The following FOXK1 variants were observed in gnomAD, a reference collection of about 807,000 sequenced individuals.
FOXK1 encodes the protein forkhead box protein K1.
Under a neutral mutation model 51.9 loss-of-function variants are expected in FOXK1, and 19 were observed. That is an observed-to-expected ratio of 0.37 (90% CI 0.26 to 0.54). The LOEUF is 0.54. Among genes scored for constraint, FOXK1 ranks in the 20% least tolerant of loss-of-function variants. The pLI is 0.87. For synonymous variants in FOXK1, 537 were observed against 482.6 expected, an observed-to-expected ratio of 1.11 and a Z score of -1.48; for missense variants, 870 against 1,032.7, an observed-to-expected ratio of 0.84 and a Z score of 2.16.
At position 4,722,540 on chromosome 7, in the gene FOXK1, C is replaced by A. The variant is rs1246937001; in HGVS notation, c.561-18298C>A. On this transcript the variant is annotated intron_variant, in intron 1 of 8. Transcript: ENST00000328914. This position sits in a 1 kb window ranked among gnomAD's most constrained non-coding sequence, Gnocchi z 5.1. Reference sequence around the variant, plus strand: ...GCCAGCGTGCTGGGACGGGTACACTCGTGCCTGTTAACCGCACACCTGCGT... The same window carrying A: ...GCCAGCGTGCTGGGACGGGTACACTAGTGCCTGTTAACCGCACACCTGCGT... 1.3e-5 allele frequency among the ~76,000 whole-genome samples: 2 copies of A among 152,210 alleles called. No homozygotes were observed. Among genetic ancestry groups the A allele is most frequent in the Non-Finnish European group, 2.9e-5 (2 of 68,048 alleles).
rs551557849 is a variant in FOXK1, at chr7:4,734,870, C to A, written c.561-5968C>A. ...CGTCCTTCCGCTGGGAGAGACGGGGCGAGGGGACAGCGGTGGACAGGAGCG... is the reference window on the plus strand; with the variant it reads ...CGTCCTTCCGCTGGGAGAGACGGGGAGAGGGGACAGCGGTGGACAGGAGCG... On this transcript the variant is annotated intron_variant, in intron 1 of 8. Transcript: ENST00000328914. The surrounding 1 kb of genome is among the most constrained non-coding windows in gnomAD (Gnocchi z 5.2). Among the ~76,000 whole-genome samples the A allele has an allele frequency of 3.3e-4, 51 of 152,264 alleles. 1 individual carries two copies. Among genetic ancestry groups the A allele is most frequent in the Admixed American group, 1.2e-3 (18 of 15,302 alleles).
rs377448907 is a variant in FOXK1 at position 4,729,530 on chromosome 7, G to A, written c.561-11308G>A. Reference sequence around the variant, plus strand: ...CTGCCATGGGGTGCTCAGGACTGCCGGGCCCCGGGAGCCCCACCCGGCAGG... The same window carrying A: ...CTGCCATGGGGTGCTCAGGACTGCCAGGCCCCGGGAGCCCCACCCGGCAGG... On this transcript the variant is annotated intron_variant, in intron 1 of 8. Transcript: ENST00000328914. The surrounding 1 kb of genome is among the most constrained non-coding windows in gnomAD (Gnocchi z 6.2). Among the ~76,000 whole-genome samples, 10 of 152,252 alleles carry A rather than the reference G, an allele frequency of 6.6e-5. No individual in the cohort carries two copies. In the East Asian group the frequency reaches 9.7e-4, roughly 15 times the overall value.
rs543460958 is a variant in FOXK1 at position 4,711,319 on chromosome 7, G to C, written c.560+28451G>C. Among the ~76,000 whole-genome samples, 3 of 152,170 alleles carry C rather than the reference G, an allele frequency of 2.0e-5. No individual in the cohort carries two copies. The highest frequency in any genetic ancestry group is 4.4e-5 in the Non-Finnish European group (3 of 68,030). ...ATGGGATGTATCAGTCAGGGAGGCT[G>C]GGCGCAGTAATAAACACGCCCAGAG... On this transcript the variant is annotated intron_variant, in intron 1 of 8. Transcript: ENST00000328914. This position sits in a 1 kb window ranked among gnomAD's most constrained non-coding sequence, Gnocchi z 6.3.
chr7:4,724,287 C>G (rs557602071), intron 1 of FOXK1, among the ~76,000 whole-genome samples: 1 of 152,302 alleles, frequency 6.6e-6, no homozygotes, highest in South Asian at 2.1e-4. Context: ...CCTCCGTCTC[C>G]CGGGTTCCGG....
intron 1 of FOXK1, among the ~76,000 whole-genome samples, chr7:4,690,375 G>C (rs1779876489): frequency 6.6e-6 from 1 of 152,256 alleles, no homozygotes; most frequent in South Asian, 2.1e-4. Context: ...TTTATTCTTA[G>C]TGTTTTGCTA....
At chr7:4,717,181 G>C (rs112869461) in intron 1 of FOXK1, among the ~76,000 whole-genome samples, 3,810 of 148,694 alleles carry the variant, frequency 0.026, 141 homozygotes, top group African/African-American at 0.09. Context: ...GGTGGGAGGT[G>C]CATGACTGGG....
intron 1 of FOXK1, among the ~76,000 whole-genome samples, chr7:4,694,728 T>A (rs1156626700): frequency 6.6e-6 from 1 of 152,186 alleles, no homozygotes; most frequent in Non-Finnish European, 1.5e-5. Context: ...TCTCACCTGG[T>A]GACTGGGAGT....
chr7:4,721,459 G>A (rs1437402971), intron 1 of FOXK1, among the ~76,000 whole-genome samples: 1 of 152,076 alleles, frequency 6.6e-6, no homozygotes, highest in East Asian at 1.9e-4. Context: ...TCCAGGCGTC[G>A]GCTGTCAGTT....
In FOXK1 at chr7:4,730,001, T is replaced by TA. The variant is rs963300928; in HGVS notation, c.561-10829dup. 1.3e-5 allele frequency among the ~76,000 whole-genome samples: 2 copies of TA among 151,588 alleles called. No homozygotes were observed. The highest frequency in any genetic ancestry group is 4.9e-5 in the African/African-American group (2 of 41,234). On this transcript the variant is annotated intron_variant, in intron 1 of 8. Coordinates refer to ENST00000328914, the MANE Select transcript of FOXK1 (RefSeq NM_001037165.2). The surrounding 1 kb of genome is among the most constrained non-coding windows in gnomAD (Gnocchi z 4.7). ...CGAGACTCTGTCGAAACAATTTAAA[T>TA]AAAAAAAAGAAAAGGAAAAAGAAAG...
At chr7:4,720,427 T>C (rs1170188287) in intron 1 of FOXK1, among the ~76,000 whole-genome samples, 1 of 152,224 alleles carries the variant, frequency 6.6e-6, no homozygotes, top group East Asian at 1.9e-4. Flanking sequence ...GGGTAATCTT[T>C]ACTGTTTCAG....
At chr7:4,701,133 G>A (rs778885340) in intron 1 of FOXK1, among the ~76,000 whole-genome samples, 50 of 152,172 alleles carry the variant, frequency 3.3e-4, no homozygotes, top group Non-Finnish European at 5.6e-4. Context: ...GCTGGAGAAC[G>A]GGCTTCCTAT....
intron 1 of FOXK1, among the ~76,000 whole-genome samples, chr7:4,696,430 T>TGC (rs1406476743): frequency 7.9e-5 from 12 of 152,156 alleles, no homozygotes; most frequent in Non-Finnish European, 1.6e-4. Context: ...AGCAGGTGTG[T>TGC]GCGCGTGACA....
Position 4,758,688 on chromosome 7 carries a change from A to C in FOXK1, c.1245-363A>C. 2 of 239,246 alleles carry C rather than the reference A, an allele frequency of 8.4e-6. No homozygotes were observed. The allele number at this position is 239,246 out of a possible 1,614,324, so 14.8% of individuals were successfully genotyped here. ...TCTCGGGTAGAGTTTTCATGGTGGA[A>C]CGGTTGCGCCCACCAAACAGAAGCT... On this transcript the variant is annotated intron_variant, in intron 5 of 8. Transcript: ENST00000328914. The surrounding 1 kb of genome is among the most constrained non-coding windows in gnomAD (Gnocchi z 4.4).
At chr7:4,697,342 A>T (rs1779966284) in intron 1 of FOXK1, among the ~76,000 whole-genome samples, 1 of 152,228 alleles carries the variant, frequency 6.6e-6, no homozygotes, top group Non-Finnish European at 1.5e-5. Context: ...GCTAGCCGGT[A>T]TTCACGGCCA....
chr7:4,689,057 A>AC (rs1291423391), intron 1 of FOXK1, among the ~76,000 whole-genome samples: 3 of 150,520 alleles, frequency 2.0e-5, no homozygotes, highest in South Asian at 2.1e-4. Flanking sequence ...GCTCATTGCA[A>AC]CCCCCTGCCT....
In FOXK1 at chr7:4,703,189, A is replaced by G. The variant is rs187775038; in HGVS notation, c.560+20321A>G. Reference sequence around the variant, plus strand: ...GGCGGCTGGGAGGGCGTTTCTGAGGAAGTGCTGTTTTAGCCGAGGTCTAAG... The same window carrying G: ...GGCGGCTGGGAGGGCGTTTCTGAGGGAGTGCTGTTTTAGCCGAGGTCTAAG... On this transcript the variant is annotated intron_variant, in intron 1 of 8. Transcript: ENST00000328914. The surrounding 1 kb of genome is among the most constrained non-coding windows in gnomAD (Gnocchi z 5.6). 2.4e-3 allele frequency among the ~76,000 whole-genome samples: 370 copies of G among 152,108 alleles called. 2 individuals are homozygous for G. Among genetic ancestry groups the G allele is most frequent in the Non-Finnish European group, 4.1e-3 (282 of 67,986 alleles).
At chr7:4,720,384 A>C (rs1780293495) in intron 1 of FOXK1, among the ~76,000 whole-genome samples, 1 of 151,786 alleles carries the variant, frequency 6.6e-6, no homozygotes, top group South Asian at 2.1e-4. Flanking sequence ...TTAAGATTTG[A>C]TTTTCAGCCT....
In FOXK1 at chr7:4,755,876, G is replaced by A. The variant is rs942695136; in HGVS notation, c.1050+493G>A. 2.1e-5 allele frequency among the ~76,000 whole-genome samples: 3 copies of A among 141,186 alleles called. No individual in the cohort carries two copies. Among genetic ancestry groups the A allele is most frequent in the Non-Finnish European group, 3.1e-5 (2 of 63,552 alleles). 92.6% of individuals were successfully genotyped at this position (141,186 alleles called of 152,430 possible). A position where few individuals can be genotyped will look rare whatever the true frequency, so the allele number is the denominator to read the frequency against. ...TCTTTTTTATTAGTTTCCTTCTTCT[G>A]AGCCCCAGAACTGAGAAGATGGATC... On this transcript the variant is annotated intron_variant, in intron 4 of 8. Coordinates refer to ENST00000328914, the MANE Select transcript of FOXK1 (RefSeq NM_001037165.2). This position sits in a 1 kb window ranked among gnomAD's most constrained non-coding sequence, Gnocchi z 6.6.
In FOXK1 at chr7:4,767,060, G is replaced by A. The variant is rs983452665; in HGVS notation, c.*4596G>A. On this transcript the variant is annotated 3_prime_UTR_variant, in exon 9 of 9. Transcript: ENST00000328914. This position sits in a 1 kb window ranked among gnomAD's most constrained non-coding sequence, Gnocchi z 6.6. ...TTTCCCCTTCGCTTTCAGAGCCGGCGGGAGTGCAGGTCTGTTTTGCTTCAG... is the reference window on the plus strand; with the variant it reads ...TTTCCCCTTCGCTTTCAGAGCCGGCAGGAGTGCAGGTCTGTTTTGCTTCAG... 3 of 152,164 alleles carry A rather than the reference G, an allele frequency of 2.0e-5. No homozygotes were observed. Among genetic ancestry groups the A allele is most frequent in the Non-Finnish European group, 4.4e-5 (3 of 68,056 alleles). The allele number at this position is 152,164 out of a possible 1,614,324, so 9.4% of individuals were successfully genotyped here. A position where few individuals can be genotyped will look rare whatever the true frequency, so the allele number is the denominator to read the frequency against.
Sources: allele counts gnomAD v4.1 joint callset (sites outside exome capture counted in the v4.1 genomes callset), GRCh38; gene constraint gnomAD v4.1.1; non-coding constraint Gnocchi (gnomAD v3.1); transcripts MANE v1.5; gene names NCBI Gene and HGNC (gene_info 2026-07-23, HGNC 2026-07-21).